The following NEGR1 variants were observed in gnomAD, a reference collection of about 807,000 sequenced individuals.
NEGR1 encodes the protein IgLON family member 4.
In NEGR1, 10 loss-of-function variants were observed where a neutral mutation model predicts 40.9. That is an observed-to-expected ratio of 0.24 (90% CI 0.15 to 0.42). NEGR1 has a LOEUF of 0.42. NEGR1 is among the 10% of genes least tolerant of loss of function. NEGR1 has a pLI of 1.00. For synonymous variants in NEGR1, 185 were observed against 166.8 expected, an observed-to-expected ratio of 1.11 and a Z score of -0.84; for missense variants, 352 against 438.9, an observed-to-expected ratio of 0.80 and a Z score of 1.77.
At chr1:71,698,537 C>T (rs923995609) in intron 3 of NEGR1, among the ~76,000 whole-genome samples, 14 of 151,794 alleles carry the variant, frequency 9.2e-5, no homozygotes, top group Non-Finnish European at 1.6e-4. Flanking sequence ...GACACTTAAC[C>T]TAACTAAATG....
chr1:71,930,512 T>C (rs1302080890), intron 2 of NEGR1, among the ~76,000 whole-genome samples: 1 of 152,186 alleles, frequency 6.6e-6, no homozygotes, highest in Non-Finnish European at 1.5e-5. Flanking sequence ...CTTGTTTATT[T>C]TGTTCTTCCT....
rs1178466997 is a variant in NEGR1, at chr1:71,631,948, C to G, written c.668-20802G>C. Among the ~76,000 whole-genome samples the G allele has an allele frequency of 7.3e-5, 11 of 151,660 alleles. No individual in the cohort carries two copies. The East Asian group carries it at 2.1e-3, about 30-fold the overall frequency. ...AGAATCTTAACTTCCAGATGCTGGG[C>G]AAGTATGTTAATGTTTTAATACTGT... On this transcript the variant is annotated intron_variant, in intron 4 of 6. Coordinates refer to ENST00000357731, the MANE Select transcript of NEGR1 (RefSeq NM_173808.3).
chr1:71,507,140 T>G (rs1480139122), intron 6 of NEGR1, among the ~76,000 whole-genome samples: 1 of 152,178 alleles, frequency 6.6e-6, no homozygotes, highest in African/African-American at 2.4e-5. Context: ...ATGTAAATGG[T>G]CATCAAAAAG....
At chr1:72,277,957 A>G (rs1275346057) in intron 1 of NEGR1, among the ~76,000 whole-genome samples, 1 of 152,162 alleles carries the variant, frequency 6.6e-6, no homozygotes, top group Non-Finnish European at 1.5e-5. Flanking sequence ...ATTGTAACTA[A>G]CAGCATGCAT....
intron 1 of NEGR1, among the ~76,000 whole-genome samples, chr1:72,126,387 CG>C (rs139334386): frequency 0.016 from 2,467 of 151,976 alleles, 68 homozygotes; most frequent in African/African-American, 0.057. Flanking sequence ...TAGATGGATA[CG>C]TATTATTTAT....
intron 1 of NEGR1, among the ~76,000 whole-genome samples, chr1:72,209,213 A>G (rs1653512135): frequency 1.3e-5 from 2 of 151,596 alleles, no homozygotes. Flanking sequence ...TGTGAATTAG[A>G]AAAATAGTAT....
At chr1:71,540,843 C>T (rs1305476586) in intron 6 of NEGR1, among the ~76,000 whole-genome samples, 1 of 151,598 alleles carries the variant, frequency 6.6e-6, no homozygotes, top group Non-Finnish European at 1.5e-5. Flanking sequence ...CTGGCATCTG[C>T]TTGGATTCTA....
At chr1:72,181,823 G>C (rs1417829326) in intron 1 of NEGR1, among the ~76,000 whole-genome samples, 1 of 152,022 alleles carries the variant, frequency 6.6e-6, no homozygotes. Flanking sequence ...ACTTATATGT[G>C]GAGTCTTAAA....
At chr1:72,190,833 T>C (rs1652794348) in intron 1 of NEGR1, among the ~76,000 whole-genome samples, 1 of 151,592 alleles carries the variant, frequency 6.6e-6, no homozygotes, top group Non-Finnish European at 1.5e-5. Flanking sequence ...TAATTTTTGA[T>C]ATGTATGCAA....
chr1:71,513,648 G>A (rs1278101443), intron 6 of NEGR1, among the ~76,000 whole-genome samples: 2 of 152,144 alleles, frequency 1.3e-5, no homozygotes, highest in East Asian at 3.9e-4. Flanking sequence ...GATTTTATAG[G>A]AGAAACTGAG....
intron 1 of NEGR1, among the ~76,000 whole-genome samples, chr1:72,038,758 T>C (rs947099403): frequency 2.0e-5 from 3 of 151,984 alleles, no homozygotes; most frequent in Non-Finnish European, 4.4e-5. Flanking sequence ...GGATGCTCCA[T>C]GAATCACCAT....
chr1:72,146,585 G>A (rs1335599608), intron 1 of NEGR1, among the ~76,000 whole-genome samples: 1 of 151,664 alleles, frequency 6.6e-6, no homozygotes, highest in Non-Finnish European at 1.5e-5. Context: ...TTAATATTGT[G>A]TAAAATTATC....
chr1:71,477,909 A>G (rs1646831794), intron 6 of NEGR1, among the ~76,000 whole-genome samples: 1 of 151,916 alleles, frequency 6.6e-6, no homozygotes. Context: ...AAAAAAAAAT[A>G]CATAAAGCTT....
intron 2 of NEGR1, among the ~76,000 whole-genome samples, chr1:71,800,092 C>T (rs1467521977): frequency 1.3e-5 from 2 of 152,198 alleles, no homozygotes; most frequent in East Asian, 1.9e-4. Flanking sequence ...ATTTCTCTAA[C>T]GACCAGTGAT....
chr1:71,860,211 AC>A (rs1659904539), intron 2 of NEGR1, among the ~76,000 whole-genome samples: 2 of 149,238 alleles, frequency 1.3e-5, no homozygotes, highest in Admixed American at 6.7e-5. Context: ...AAAAAAAAAA[AC>A]AACTATTCAC....
intron 6 of NEGR1, among the ~76,000 whole-genome samples, chr1:71,569,708 G>A (rs1648749001): frequency 6.6e-6 from 1 of 152,116 alleles, no homozygotes; most frequent in Non-Finnish European, 1.5e-5. Context: ...ATTTTATTTG[G>A]TTTACTTCAG....
In NEGR1 at chr1:71,671,636, C is replaced by T. The variant is rs557760027; in HGVS notation, c.667+26372G>A. 7.9e-5 allele frequency among the ~76,000 whole-genome samples: 12 copies of T among 152,222 alleles called. No individual in the cohort carries two copies. In the South Asian group the frequency reaches 2.5e-3, roughly 32 times the overall value. On this transcript the variant is annotated intron_variant, in intron 4 of 6. Transcript: ENST00000357731. ...TCTCAACTCCATCTTGGTCAGCCAT[C>T]CTTTATCTTTCATCACATTGCCATT...
At chr1:72,119,617 T>C (rs1324828533) in intron 1 of NEGR1, among the ~76,000 whole-genome samples, 3 of 151,992 alleles carry the variant, frequency 2.0e-5, no homozygotes, top group Non-Finnish European at 4.4e-5. Flanking sequence ...ATGATCTTAG[T>C]ACTTCTCAAA....
Position 71,607,155 on chromosome 1 carries a change from A to G in NEGR1, c.788+3871T>C, listed in dbSNP as rs367753627. Among the ~76,000 whole-genome samples, 95 of 152,318 alleles carry G rather than the reference A, an allele frequency of 6.2e-4. 1 individual carries two copies. Among genetic ancestry groups the G allele is most frequent in the African/African-American group, 2.2e-3 (90 of 41,574 alleles). Reference sequence around the variant, plus strand: ...CTGTTCCTCTCTGACAGGGTCTCTGACAGCTTCATGTTCCCAGTTAAAGAC... The same window carrying G: ...CTGTTCCTCTCTGACAGGGTCTCTGGCAGCTTCATGTTCCCAGTTAAAGAC... On this transcript the variant is annotated intron_variant, in intron 5 of 6. Transcript: ENST00000357731.
Sources: allele counts gnomAD v4.1 joint callset (sites outside exome capture counted in the v4.1 genomes callset), GRCh38; gene constraint gnomAD v4.1.1; transcripts MANE v1.5; gene names NCBI Gene and HGNC (gene_info 2026-07-23, HGNC 2026-07-21).